SGK1: variants seen among roughly 807,000 people sequenced by gnomAD.
SGK1 encodes the protein serum/glucocorticoid regulated kinase 1.
In SGK1, 26 loss-of-function variants were observed where a neutral mutation model predicts 64.2. The ratio of observed to expected loss-of-function variants is 0.40; its 90% CI spans 0.30 to 0.56. The LOEUF (loss-of-function observed/expected upper bound fraction) is 0.56, where lower values mean the gene tolerates loss of function less well. SGK1 is among the 20% of genes least tolerant of loss of function. The probability of loss-of-function intolerance (pLI) is 0.38; values close to 1 mark genes in which losing one functional copy is unlikely to be tolerated. For missense variants in SGK1, 519 were observed against 645.6 expected (o/e 0.80, Z 2.12); for synonymous variants, 265 against 239.7 (o/e 1.11, Z -0.98).
At chr6:134,233,435 A>G (rs80271331) in intron 2 of SGK1, among the ~76,000 whole-genome samples, 1,840 of 152,308 alleles carry the variant, frequency 0.012, 39 homozygotes, top group African/African-American at 0.042. Flanking sequence ...ATGAGCATCA[A>G]TCATTATTTC....
At chr6:134,285,418 C>T (rs1452324635) in intron 1 of SGK1, among the ~76,000 whole-genome samples, 1 of 147,954 alleles carries the variant, frequency 6.8e-6, no homozygotes, top group Non-Finnish European at 1.5e-5. Context: ...GCAGAGGTTG[C>T]AGCGAGCTGA....
chr6:134,204,799 C>T (rs1775741852), intron 3 of SGK1, among the ~76,000 whole-genome samples: 1 of 152,144 alleles, frequency 6.6e-6, no homozygotes, highest in Non-Finnish European at 1.5e-5. Context: ...GGTGATCCAC[C>T]CACCTTGGCC....
chr6:134,176,601 T>A (rs1381924089), intron 3 of SGK1, among the ~76,000 whole-genome samples: 1 of 152,016 alleles, frequency 6.6e-6, no homozygotes, highest in Non-Finnish European at 1.5e-5. Context: ...TACCTGGCGC[T>A]CGCTGTTGCT....
In SGK1 at chr6:134,173,992, T is replaced by C. The variant is rs761124241; in HGVS notation, c.513+13A>G. The C allele has an allele frequency of 1.3e-6, 2 of 1,597,194 alleles. No homozygotes were observed. The highest frequency in any genetic ancestry group is 2.2e-5 in the East Asian group (1 of 44,764). On this transcript the variant is annotated intron_variant, in intron 5 of 13. Coordinates refer to ENST00000367858, the MANE Select transcript of SGK1 (RefSeq NM_001143676.3). ...CAGTTCTCCACAGATGCACGGCACA[T>C]ACAAAAACTTACTGGAGGAGAAGGG...
At chr6:134,303,907 C>CGTTTT (rs775996630) in intron 1 of SGK1, among the ~76,000 whole-genome samples, 5 of 152,262 alleles carry the variant, frequency 3.3e-5, no homozygotes, top group African/African-American at 7.2e-5. Context: ...GGCCCAATGA[C>CGTTTT]GTTTTGTTTT....
intron 3 of SGK1, among the ~76,000 whole-genome samples, chr6:134,201,351 C>G (rs1456636792): frequency 6.6e-6 from 1 of 151,534 alleles, no homozygotes; most frequent in Non-Finnish European, 1.5e-5. Context: ...TGAGCCACCA[C>G]ACCCAGCCTT....
intron 2 of SGK1, among the ~76,000 whole-genome samples, chr6:134,248,445 CTTTTTTTTTTTTT>C (rs34315643): frequency 1.9e-5 from 2 of 103,044 alleles, no homozygotes; most frequent in African/African-American, 8.5e-5. Flanking sequence ...TCTCCTCCGC[CTTTTTTTTTTTTT>C]TTTTTTTTTT....
chr6:134,254,710 C>G (rs969420988), intron 2 of SGK1, among the ~76,000 whole-genome samples: 3 of 152,122 alleles, frequency 2.0e-5, no homozygotes, highest in African/African-American at 7.2e-5. Flanking sequence ...CATTTACCCA[C>G]ACATATATAC....
chr6:134,171,300 C>CT (rs1161954081), intron 11 of SGK1, 122 bp from the exon 12 acceptor site: 4 of 911,850 alleles, frequency 4.4e-6, no homozygotes, highest in African/African-American at 3.3e-5. Flanking sequence ...CTCTCCCCAC[C>CT]TCAATGCTTT....
chr6:134,249,893 A>G (rs571856021), intron 2 of SGK1, among the ~76,000 whole-genome samples: 4 of 152,170 alleles, frequency 2.6e-5, no homozygotes, highest in Non-Finnish European at 5.9e-5. Flanking sequence ...AATGGTCATC[A>G]ATTTCTTTCT....
At chr6:134,183,524 T>C (rs1408352016) in intron 3 of SGK1, among the ~76,000 whole-genome samples, 9 of 152,188 alleles carry the variant, frequency 5.9e-5, no homozygotes, top group Admixed American at 5.9e-4. Flanking sequence ...AGGGAGGGTG[T>C]GGTCTATATT....
intron 1 of SGK1, among the ~76,000 whole-genome samples, chr6:134,287,017 G>A (rs569456199): frequency 2.0e-5 from 3 of 151,934 alleles, no homozygotes; most frequent in South Asian, 2.1e-4. Context: ...TTTTTGAGAC[G>A]GAGTGTCACA....
intron 1 of SGK1, among the ~76,000 whole-genome samples, chr6:134,275,455 A>G (rs1468888146): frequency 1.3e-5 from 2 of 152,236 alleles, no homozygotes; most frequent in Non-Finnish European, 2.9e-5. Context: ...CATCTCTAGC[A>G]GCAGTGGCTT....
intron 2 of SGK1, chr6:134,261,211 T>C (rs1776762159): frequency 6.6e-6 from 1 of 152,194 alleles, no homozygotes; most frequent in Admixed American, 6.5e-5. Flanking sequence ...GTATACATAG[T>C]GCTCTGTAAA....
chr6:134,243,527 G>A (rs1038055650), intron 2 of SGK1, among the ~76,000 whole-genome samples: 4 of 152,122 alleles, frequency 2.6e-5, no homozygotes, highest in African/African-American at 7.2e-5. Flanking sequence ...GTGGCAACAT[G>A]CTCGGCTAAG....
At chr6:134,300,979 T>C (rs1416337298) in intron 1 of SGK1, among the ~76,000 whole-genome samples, 2 of 152,086 alleles carry the variant, frequency 1.3e-5, no homozygotes, top group African/African-American at 2.4e-5. Context: ...TGCTGATGAA[T>C]TGCACTGACG....
intron 1 of SGK1, among the ~76,000 whole-genome samples, chr6:134,301,523 T>C (rs1777453087): frequency 7.3e-6 from 1 of 136,836 alleles, no homozygotes; most frequent in Non-Finnish European, 1.5e-5. Flanking sequence ...TCTCTTCTCT[T>C]TTCTCTTTTC....
chr6:134,255,574 ATTTT>A (rs11318242), intron 2 of SGK1, among the ~76,000 whole-genome samples: 9 of 78,848 alleles, frequency 1.1e-4, no homozygotes, highest in South Asian at 1.1e-3. Flanking sequence ...AGAGATTTTG[ATTTT>A]TTTTTTTTTT....
At chr6:134,245,143 A>G (rs1582739031) in intron 2 of SGK1, among the ~76,000 whole-genome samples, 1 of 146,456 alleles carries the variant, frequency 6.8e-6, no homozygotes, top group Non-Finnish European at 1.5e-5. Context: ...AGGTCTTGCT[A>G]TGTTGCCCAT....
Sources: allele counts gnomAD v4.1 joint callset (sites outside exome capture counted in the v4.1 genomes callset), GRCh38; gene constraint gnomAD v4.1.1; transcripts MANE v1.5; gene names NCBI Gene and HGNC (gene_info 2026-07-23, HGNC 2026-07-21).